Variants in NKAIN2 observed in about 807,000 individuals in gnomAD.
The protein encoded by NKAIN2 is sodium/potassium-transporting ATPase subunit beta-1-interacting protein 2.
In NKAIN2, 14 loss-of-function variants were observed where a neutral mutation model predicts 32.6. The ratio of observed to expected loss-of-function variants is 0.43; its 90% confidence interval spans 0.28 to 0.67. The LOEUF is 0.67. Among genes scored for constraint, NKAIN2 ranks in the 30% least tolerant of loss-of-function variants. The probability of loss-of-function intolerance (pLI) is 0.17; values close to 1 mark genes in which losing one functional copy is unlikely to be tolerated. For synonymous variants in NKAIN2, 80 were observed against 87.2 expected (o/e 0.92, Z 0.46); for missense variants, 198 against 258.3 (o/e 0.77, Z 1.60).
At chr6:124,806,235 G>A (rs2114845181) in intron 5 of NKAIN2, among the ~76,000 whole-genome samples, 1 of 152,284 alleles carries the variant, frequency 6.6e-6, no homozygotes. Flanking sequence ...AGGGCAGCCA[G>A]AGAGAAAGAT....
rs139867102 is a variant in NKAIN2 at position 124,399,338 on chromosome 6, T to C, written c.273+43991T>C. Among the ~76,000 whole-genome samples the C allele has an allele frequency of 7.9e-4, 120 of 152,358 alleles. 3 individuals carry two copies. In the East Asian group the frequency reaches 0.023, roughly 29 times the overall value. On this transcript the variant is annotated intron_variant, in intron 3 of 6. Coordinates refer to ENST00000368417, the MANE Select transcript of NKAIN2 (RefSeq NM_001040214.3). ...GATGGGTTTGGTTCACCTAGTAGTT[T>C]TGGAATTTCTAATAATTGAGGGTCA...
chr6:124,433,945 T>C (rs1406494345), intron 3 of NKAIN2, among the ~76,000 whole-genome samples: 2 of 152,188 alleles, frequency 1.3e-5, no homozygotes, highest in Non-Finnish European at 2.9e-5. Context: ...TGCAGTGCAC[T>C]AATTCACTGT....
intron 4 of NKAIN2, among the ~76,000 whole-genome samples, chr6:124,708,636 CTCTG>C (rs1775241642): frequency 6.6e-6 from 1 of 150,696 alleles, no homozygotes; most frequent in South Asian, 2.1e-4. Flanking sequence ...TGATTTGGCT[CTCTG>C]TCTGTTGTTG....
rs1211443739 is a variant in NKAIN2 at position 124,575,393 on chromosome 6, T to A, written c.274-82793T>A. Among the ~76,000 whole-genome samples the A allele has an allele frequency of 2.0e-5, 3 of 152,254 alleles. No individual in the cohort carries two copies. The East Asian group carries it at 5.8e-4, about 29-fold the overall frequency. On this transcript the variant is annotated intron_variant, in intron 3 of 6. Coordinates refer to ENST00000368417, the MANE Select transcript of NKAIN2 (RefSeq NM_001040214.3). Reference sequence around the variant, plus strand: ...CTCTTTTATAATGACATTTATAAATTGCTGCCTCGTTGCAACATTTAGAAA... The same window carrying A: ...CTCTTTTATAATGACATTTATAAATAGCTGCCTCGTTGCAACATTTAGAAA...
At chr6:124,224,026 G>T (rs542182651) in intron 1 of NKAIN2, among the ~76,000 whole-genome samples, 1 of 152,076 alleles carries the variant, frequency 6.6e-6, no homozygotes, top group Non-Finnish European at 1.5e-5. Context: ...GTGGGATTTC[G>T]AAGTTTGTTT....
intron 1 of NKAIN2, among the ~76,000 whole-genome samples, chr6:123,824,276 C>T (rs990229018): frequency 6.6e-6 from 1 of 152,118 alleles, no homozygotes; most frequent in African/African-American, 2.4e-5. Context: ...CACCCACAGG[C>T]TTTCACTGAA....
intron 3 of NKAIN2, among the ~76,000 whole-genome samples, chr6:124,414,270 T>C (rs1562168986): frequency 1.3e-5 from 2 of 152,186 alleles, no homozygotes; most frequent in Admixed American, 6.5e-5. Context: ...AAAATGTTTT[T>C]TCTTCACTTA....
At chr6:123,820,513 A>G (rs9490947) in intron 1 of NKAIN2, among the ~76,000 whole-genome samples, 7,704 of 152,198 alleles carry the variant, frequency 0.051, 652 homozygotes, top group African/African-American at 0.17. Flanking sequence ...TGTGGCAGCA[A>G]CAGAGGAGGG....
At chr6:124,328,254 A>G (rs1797499550) in intron 2 of NKAIN2, among the ~76,000 whole-genome samples, 1 of 152,180 alleles carries the variant, frequency 6.6e-6, no homozygotes, top group South Asian at 2.1e-4. Context: ...AAACCTTTAA[A>G]ACCTGTGTGA....
chr6:124,539,940 C>A (rs184052633), intron 3 of NKAIN2, among the ~76,000 whole-genome samples: 1 of 152,110 alleles, frequency 6.6e-6, no homozygotes, highest in Admixed American at 6.6e-5. Flanking sequence ...AGGCTGGTCT[C>A]GAACTCCTGA....
intron 2 of NKAIN2, among the ~76,000 whole-genome samples, chr6:124,287,609 C>T (rs77945896): frequency 0.022 from 3,384 of 152,160 alleles, 63 homozygotes; most frequent in East Asian, 0.089. Context: ...AGCCAGAATT[C>T]ATAGAAAGAA....
chr6:124,023,856 A>G (rs1356869338), intron 1 of NKAIN2, among the ~76,000 whole-genome samples: 1 of 152,064 alleles, frequency 6.6e-6, no homozygotes, highest in South Asian at 2.1e-4. Flanking sequence ...TACTAAGAAA[A>G]TTAACAAATA....
intron 1 of NKAIN2, among the ~76,000 whole-genome samples, chr6:123,924,846 G>C (rs1775932060): frequency 6.6e-6 from 1 of 151,990 alleles, no homozygotes; most frequent in Non-Finnish European, 1.5e-5. Context: ...CAGATGTCAA[G>C]AATGAAACTA....
intron 1 of NKAIN2, among the ~76,000 whole-genome samples, chr6:124,038,061 G>A (rs1781685718): frequency 6.6e-6 from 1 of 152,098 alleles, no homozygotes; most frequent in African/African-American, 2.4e-5. Context: ...TGAGCCTTGG[G>A]CTAGTGTATC....
At chr6:123,830,721 A>G (rs1461143155) in intron 1 of NKAIN2, among the ~76,000 whole-genome samples, 2 of 152,216 alleles carry the variant, frequency 1.3e-5, no homozygotes, top group African/African-American at 2.4e-5. Context: ...ATATTGAATA[A>G]ATAACTGTGT....
At chr6:124,162,539 T>C (rs988063154) in intron 1 of NKAIN2, among the ~76,000 whole-genome samples, 3 of 152,116 alleles carry the variant, frequency 2.0e-5, no homozygotes, top group Non-Finnish European at 4.4e-5. Context: ...ATGACAGCTG[T>C]AAATAATTTC....
chr6:124,631,148 G>A (rs1418889084), intron 3 of NKAIN2, among the ~76,000 whole-genome samples: 3 of 152,164 alleles, frequency 2.0e-5, no homozygotes, highest in Non-Finnish European at 4.4e-5. Flanking sequence ...TCCATTTCAC[G>A]AGAGTGTTTA....
chr6:123,823,090 C>T (rs1295609933), intron 1 of NKAIN2: 1 of 152,102 alleles, frequency 6.6e-6, no homozygotes, highest in African/African-American at 2.4e-5. Flanking sequence ...GGAAGACCAC[C>T]TACTAAGCTG....
At chr6:124,135,219 A>G (rs968264811) in intron 1 of NKAIN2, among the ~76,000 whole-genome samples, 6 of 151,692 alleles carry the variant, frequency 4.0e-5, no homozygotes, top group African/African-American at 1.2e-4. Context: ...ACACAATGAA[A>G]AAAAAAAACT....
Sources: allele counts gnomAD v4.1 joint callset (sites outside exome capture counted in the v4.1 genomes callset), GRCh38; gene constraint gnomAD v4.1.1; transcripts MANE v1.5; gene names NCBI Gene and HGNC (gene_info 2026-07-23, HGNC 2026-07-21).